Variants in DGKI observed in about 807,000 individuals in gnomAD.
The protein encoded by DGKI is diacylglycerol kinase iota.
A neutral mutation model predicts 147.5 loss-of-function variants in DGKI; 55 were observed. The ratio of observed to expected loss-of-function variants is 0.37; its 90% CI spans 0.30 to 0.47. The LOEUF is 0.47. DGKI is among the 20% of genes least tolerant of loss of function. DGKI has a pLI of 1.00. For missense variants in DGKI, 1,007 were observed against 1,323.8 expected (o/e 0.76, Z 3.71); for synonymous variants, 469 against 477.1 (o/e 0.98, Z 0.22).
intron 12 of DGKI, among the ~76,000 whole-genome samples, chr7:137,590,007 C>T (rs1819550051): frequency 6.8e-6 from 1 of 146,730 alleles, no homozygotes; most frequent in African/African-American, 2.5e-5. Context: ...CACTCAGACA[C>T]AACAATGATA....
At chr7:137,645,579 T>G in intron 5 of DGKI, 42 bp from the exon 6 acceptor site, 1 of 1,545,914 alleles carries the variant, frequency 6.5e-7, no homozygotes, top group Non-Finnish European at 8.8e-7. Flanking sequence ...TAAAAATTTA[T>G]TTCTATAGAC....
chr7:137,837,631 T>C lies in DGKI; in HGVS notation c.401+8831A>G, dbSNP rs1048348763. Among the ~76,000 whole-genome samples the C allele has an allele frequency of 5.1e-4, 78 of 152,148 alleles. 2 individuals carry two copies. Among genetic ancestry groups the C allele is most frequent in the Admixed American group, 5.1e-3 (78 of 15,280 alleles). ...CTCTAGAAAGAGACCCCCAGGAGCCTCACTACCTCCACCCTGTGAGGACAC... is the reference window on the plus strand; with the variant it reads ...CTCTAGAAAGAGACCCCCAGGAGCCCCACTACCTCCACCCTGTGAGGACAC... On this transcript the variant is annotated intron_variant, in intron 1 of 32. Coordinates refer to ENST00000614521, the MANE Select transcript of DGKI (RefSeq NM_001321708.2).
At chr7:137,675,456 G>A (rs949717801) in intron 3 of DGKI, among the ~76,000 whole-genome samples, 3 of 140,830 alleles carry the variant, frequency 2.1e-5, no homozygotes, top group South Asian at 2.1e-4. Flanking sequence ...AGGCCGAGGC[G>A]GGTGGATCCC....
intron 22 of DGKI, 27 bp downstream of exon 22, chr7:137,487,583 A>G (rs751663862): frequency 6.3e-7 from 1 of 1,590,548 alleles, no homozygotes; most frequent in Non-Finnish European, 8.6e-7. Context: ...AGTTGAGGAG[A>G]ATAAAAAATT....
intron 1 of DGKI, among the ~76,000 whole-genome samples, chr7:137,778,526 T>A (rs1438973914): frequency 1.3e-5 from 2 of 152,068 alleles, no homozygotes; most frequent in African/African-American, 2.4e-5. Flanking sequence ...AGGTGCTCTG[T>A]CTTCTGTTAA....
intron 12 of DGKI, among the ~76,000 whole-genome samples, chr7:137,591,503 A>G (rs1420203737): frequency 2.0e-5 from 3 of 152,044 alleles, no homozygotes; most frequent in Non-Finnish European, 4.4e-5. Context: ...CAGCAGCTCT[A>G]TCAGCATTCC....
intron 1 of DGKI, among the ~76,000 whole-genome samples, chr7:137,700,161 GTGTATCAGTGCCAGT>G (rs1307541741): frequency 6.6e-6 from 1 of 152,184 alleles, no homozygotes; most frequent in Non-Finnish European, 1.5e-5. Flanking sequence ...CACTGCCAGG[GTGTATCAGTGCCAGT>G]TGTATCAGTG....
intron 30 of DGKI, among the ~76,000 whole-genome samples, chr7:137,398,845 C>A (rs766352861): frequency 6.6e-6 from 1 of 151,824 alleles, no homozygotes; most frequent in Non-Finnish European, 1.5e-5. Flanking sequence ...TATTAGCATG[C>A]AGAAGTAGTT....
intron 28 of DGKI, among the ~76,000 whole-genome samples, chr7:137,414,405 A>T (rs1205126812): frequency 6.6e-6 from 1 of 152,212 alleles, no homozygotes; most frequent in Non-Finnish European, 1.5e-5. Flanking sequence ...TTCCCCTGTG[A>T]ACCCTAGCAT....
At chr7:137,715,235 T>C (rs1171956334) in intron 1 of DGKI, among the ~76,000 whole-genome samples, 2 of 152,214 alleles carry the variant, frequency 1.3e-5, no homozygotes, top group African/African-American at 2.4e-5. Flanking sequence ...GTGATTCAAA[T>C]GTGCAGCCAG....
intron 1 of DGKI, among the ~76,000 whole-genome samples, chr7:137,747,187 G>A (rs1417596788): frequency 6.6e-6 from 1 of 152,028 alleles, no homozygotes; most frequent in East Asian, 1.9e-4. Context: ...CACCTCTGTT[G>A]TAAAAACTAC....
intron 6 of DGKI, among the ~76,000 whole-genome samples, chr7:137,643,815 A>G (rs1821736686): frequency 6.6e-6 from 1 of 152,212 alleles, no homozygotes; most frequent in Non-Finnish European, 1.5e-5. Flanking sequence ...TAAAATGTTT[A>G]TTGATTTTCT....
At chr7:137,732,430 A>C (rs931445911) in intron 1 of DGKI, among the ~76,000 whole-genome samples, 7 of 152,048 alleles carry the variant, frequency 4.6e-5, no homozygotes, top group African/African-American at 1.4e-4. Context: ...TGCTGTAAGA[A>C]TGTTCAACAG....
At chr7:137,533,876 T>C (rs1817427546) in intron 20 of DGKI, among the ~76,000 whole-genome samples, 1 of 152,178 alleles carries the variant, frequency 6.6e-6, no homozygotes. Flanking sequence ...ACCTGAGCTA[T>C]AACTTTGGAA....
At chr7:137,702,757 C>T (rs1563157766) in intron 1 of DGKI, among the ~76,000 whole-genome samples, 2 of 152,170 alleles carry the variant, frequency 1.3e-5, no homozygotes, top group Admixed American at 6.5e-5. Flanking sequence ...TCGTAATGTG[C>T]CATGTCTGAC....
At chr7:137,796,920 T>C (rs1328198543) in intron 1 of DGKI, among the ~76,000 whole-genome samples, 1 of 152,128 alleles carries the variant, frequency 6.6e-6, no homozygotes, top group Non-Finnish European at 1.5e-5. Context: ...TCTGAAAATA[T>C]CCTAAATAAT....
At chr7:137,741,564 G>C (rs977809627) in intron 1 of DGKI, among the ~76,000 whole-genome samples, 4 of 152,124 alleles carry the variant, frequency 2.6e-5, no homozygotes, top group African/African-American at 9.7e-5. Flanking sequence ...GATTTCATTG[G>C]AATGCATGGT....
chr7:137,754,784 T>C (rs1318081935), intron 1 of DGKI, among the ~76,000 whole-genome samples: 1 of 152,090 alleles, frequency 6.6e-6, no homozygotes, highest in Non-Finnish European at 1.5e-5. Context: ...TTCCCCTGGG[T>C]CCTTGGAAGA....
At chr7:137,747,726 C>A (rs1795383230) in intron 1 of DGKI, among the ~76,000 whole-genome samples, 1 of 152,108 alleles carries the variant, frequency 6.6e-6, no homozygotes, top group South Asian at 2.1e-4. Context: ...ACTGGTAACA[C>A]CATCACCAAG....
Sources: allele counts gnomAD v4.1 joint callset (sites outside exome capture counted in the v4.1 genomes callset), GRCh38; gene constraint gnomAD v4.1.1; transcripts MANE v1.5; gene names NCBI Gene and HGNC (gene_info 2026-07-23, HGNC 2026-07-21).